N4BP2L1: variants seen among roughly 807,000 people sequenced by gnomAD.
N4BP2L1 encodes the protein NEDD4 binding protein 2 like 1, also known as NEDD4-binding protein 2-like 1.
In N4BP2L1, 12 loss-of-function variants were observed where a neutral mutation model predicts 21.2. The observed-to-expected ratio is 0.57, with a 90% confidence interval of 0.36 to 0.92. N4BP2L1 has a LOEUF of 0.92. Ranked by LOEUF, N4BP2L1 falls within the 40% of genes least tolerant of loss-of-function variation. The pLI, the probability that N4BP2L1 is intolerant of heterozygous loss-of-function variation, is 0.01. For synonymous variants in N4BP2L1, 104 were observed against 112.8 expected (o/e 0.92, Z 0.49); for missense variants, 259 against 310.6 (o/e 0.83, Z 1.25).
At chr13:32,427,631 C>G (rs925872405) in intron 1 of N4BP2L1, among the ~76,000 whole-genome samples, 4 of 152,106 alleles carry the variant, frequency 2.6e-5, no homozygotes, top group Non-Finnish European at 4.4e-5. Context: ...CCCGGGACAG[C>G]GCGGCGGGAA....
chr13:32,420,840 C>A (rs1005143075), intron 1 of N4BP2L1, among the ~76,000 whole-genome samples: 4 of 151,884 alleles, frequency 2.6e-5, no homozygotes, highest in African/African-American at 9.7e-5. Flanking sequence ...ATTACAGGCA[C>A]CTGCCACCAT....
intron 1 of N4BP2L1, among the ~76,000 whole-genome samples, chr13:32,412,342 GC>G (rs1566310046): frequency 5.9e-5 from 9 of 151,968 alleles, no homozygotes; most frequent in African/African-American, 2.2e-4. Context: ...AAAGTAAATT[GC>G]AGGCCGGGCG....
rs1566281585 is a variant in N4BP2L1 at position 32,404,309 on chromosome 13, A to C, written c.473+12T>G. ...GGATACATAATGAGGAACTAGAAAA[A>C]CAAAGAAGTACCTTGCTAACTCTTG... On this transcript the variant is annotated intron_variant, in intron 4 of 4. Coordinates refer to ENST00000380130, the MANE Select transcript of N4BP2L1 (RefSeq NM_052818.3). The C allele has an allele frequency of 6.8e-6, 11 of 1,611,960 alleles. No homozygotes were observed. Among genetic ancestry groups the C allele is most frequent in the Non-Finnish European group, 6.8e-6 (8 of 1,178,068 alleles).
chr13:32,419,306 C>T (rs1490801459), intron 1 of N4BP2L1: 3 of 295,670 alleles, frequency 1.0e-5, no homozygotes, highest in Non-Finnish European at 2.0e-5. Context: ...AGTGCAGTGG[C>T]ACAATCTAAG....
In N4BP2L1 at chr13:32,427,990, C is replaced by G. The variant is rs2074890543; in HGVS notation, c.93G>C (p.Arg31=). ...QRQRPPRPPP[R]GTPPRRHSFR... ...AGCTGTGGCGGCGAGGAGGTGTCCC[C>G]CGCGGGGGCGGCCGGGGCGGCCGCT... Residue 31 remains arginine, a synonymous_variant, in exon 1 of 5, where the codon CGG becomes CGC. Transcript: ENST00000380130. 13 of 1,556,356 alleles carry G rather than the reference C, an allele frequency of 8.4e-6. No homozygotes were observed. Among genetic ancestry groups the G allele is most frequent in the Non-Finnish European group, 1.0e-5 (12 of 1,153,690 alleles).
chr13:32,424,803 T>G (rs2074673798), intron 1 of N4BP2L1: 1 of 152,202 alleles, frequency 6.6e-6, no homozygotes, highest in South Asian at 2.1e-4. Context: ...AACTCCAACT[T>G]TTAAAAAATA....
At chr13:32,408,291 T>A (rs930044740) in intron 1 of N4BP2L1, among the ~76,000 whole-genome samples, 3 of 152,108 alleles carry the variant, frequency 2.0e-5, no homozygotes, top group Non-Finnish European at 4.4e-5. Flanking sequence ...TAGTGAGAAA[T>A]GTGGGGAAGT....
chr13:32,417,476 G>C (rs1230138878), intron 1 of N4BP2L1, among the ~76,000 whole-genome samples: 1 of 152,100 alleles, frequency 6.6e-6, no homozygotes, highest in African/African-American at 2.4e-5. Flanking sequence ...AGTTTCCTGA[G>C]GCCTCCCCAG....
rs1291933640 is a variant in N4BP2L1, at chr13:32,402,814, TG to T, written c.*127del. 1 of 1,426,982 alleles carries T rather than the reference TG, an allele frequency of 7.0e-7. No individual in the cohort carries two copies. Among genetic ancestry groups the T allele is most frequent in the Non-Finnish European group, 9.2e-7 (1 of 1,087,460 alleles). 88.4% of individuals were successfully genotyped at this position (1,426,982 alleles called of 1,614,324 possible). On this transcript the variant is annotated 3_prime_UTR_variant, in exon 5 of 5. Coordinates refer to ENST00000380130, the MANE Select transcript of N4BP2L1 (RefSeq NM_052818.3). ...GTGAAGAAAGTGAATATAATGACTTTGCTCAGAAACTTTTGAGTTCAGCTAT... is the reference window on the plus strand; with the variant it reads ...GTGAAGAAAGTGAATATAATGACTTTCTCAGAAACTTTTGAGTTCAGCTAT...
chr13:32,421,399 G>C (rs2074468453), intron 1 of N4BP2L1, among the ~76,000 whole-genome samples: 1 of 151,456 alleles, frequency 6.6e-6, no homozygotes, highest in African/African-American at 2.4e-5. Flanking sequence ...AAAGAGTGCT[G>C]GACAATCCTG....
upstream of N4BP2L1, chr13:32,428,173 T>C (rs1423310276): frequency 6.2e-6 from 8 of 1,296,644 alleles, no homozygotes; most frequent in South Asian, 1.1e-4. Flanking sequence ...TCTCCGGCCA[T>C]GTGATGGATA....
intron 1 of N4BP2L1, among the ~76,000 whole-genome samples, chr13:32,410,336 C>T (rs1258760287): frequency 6.6e-6 from 1 of 152,192 alleles, no homozygotes; most frequent in Non-Finnish European, 1.5e-5. Flanking sequence ...TTAAAGAGAA[C>T]AAGACAAGAA....
intron 1 of N4BP2L1, among the ~76,000 whole-genome samples, chr13:32,414,413 CT>C (rs994948457): frequency 6.6e-6 from 1 of 152,142 alleles, no homozygotes; most frequent in Non-Finnish European, 1.5e-5. Flanking sequence ...TAGAGATATT[CT>C]TTGGTGAACT....
In N4BP2L1 at chr13:32,402,382, A is replaced by C; in HGVS notation, c.*560T>G. ...ATAACTTCCCAAAGTGTCTACTTTG[A>C]AGGACAATGTTCCCTTAGATGTATG... On this transcript the variant is annotated 3_prime_UTR_variant, in exon 5 of 5. Transcript: ENST00000380130. 1.4e-6 allele frequency: 1 copy of C among 723,402 alleles called. No homozygotes were observed. Among genetic ancestry groups the C allele is most frequent in the Non-Finnish European group, 1.7e-6 (1 of 591,052 alleles). The allele number at this position is 723,402 out of a possible 1,614,324, so 44.8% of individuals were successfully genotyped here.
chr13:32,414,799 T>C (rs1364937623), intron 1 of N4BP2L1, among the ~76,000 whole-genome samples: 1 of 152,220 alleles, frequency 6.6e-6, no homozygotes, highest in Non-Finnish European at 1.5e-5. Context: ...GGCTTGGGTT[T>C]CTACCGTTTG....
At chr13:32,427,473 G>C (rs1360237480) in intron 1 of N4BP2L1, among the ~76,000 whole-genome samples, 1 of 152,222 alleles carries the variant, frequency 6.6e-6, no homozygotes, top group African/African-American at 2.4e-5. Context: ...GGGTTTTCCC[G>C]AAGAAGAGTC....
chr13:32,403,318 C>T, intron 4 of N4BP2L1, 118 bp from the exon 5 acceptor site: 1 of 1,033,242 alleles, frequency 9.7e-7, no homozygotes, highest in Admixed American at 2.6e-5. Flanking sequence ...CTAGCTCTGG[C>T]AAAAGCATAA....
chr13:32,407,320 T>C lies in N4BP2L1; in HGVS notation c.326A>G (p.Asn109Ser). The part of the protein sequence containing the change: ...NQKRARKAMR[N>S]GISPIIIDNT... ...ATCAATAATAATGGGGGATATGCCA[T>C]TCCTCATTGCTTTTCTTGCTGCAAC... The change falls in exon 3 of 5, where the codon AAT becomes AGT. Residue 109 changes from asparagine (N) to serine (S), a missense_variant. By Grantham distance (46) the Asn-to-Ser change is conservative. Transcript: ENST00000380130. 1 of 1,614,196 alleles carries C rather than the reference T, an allele frequency of 6.2e-7. No homozygotes were observed. The highest frequency in any genetic ancestry group is 1.1e-5 in the South Asian group (1 of 91,082).
At chr13:32,420,394 G>GT (rs1052802466) in intron 1 of N4BP2L1, 7 of 152,182 alleles carry the variant, frequency 4.6e-5, no homozygotes, top group Non-Finnish European at 1.0e-4. Context: ...TTTTTTGGCT[G>GT]TTTTTTCCCA....
Sources: allele counts gnomAD v4.1 joint callset (sites outside exome capture counted in the v4.1 genomes callset), GRCh38; gene constraint gnomAD v4.1.1; transcripts MANE v1.5; gene names NCBI Gene and HGNC (gene_info 2026-07-23, HGNC 2026-07-21).